MYO5B: variants seen among roughly 807,000 people sequenced by gnomAD.
MYO5B encodes the protein myosin VB, also known as unconventional myosin-Vb.
A neutral mutation model predicts 229.3 loss-of-function variants in MYO5B; 143 were observed. The ratio of observed to expected loss-of-function variants is 0.62; its 90% CI spans 0.54 to 0.72. The LOEUF (loss-of-function observed/expected upper bound fraction) is 0.72. MYO5B is among the 30% of genes least tolerant of loss of function. MYO5B has a pLI of 0.00. For missense variants in MYO5B, 2,321 were observed against 2,331.0 expected, an observed-to-expected ratio of 1.00 and a Z score of 0.09; for synonymous variants, 918 against 885.2, an observed-to-expected ratio of 1.04 and a Z score of -0.66.
At chr18:50,031,779 T>C (rs2026392451) in intron 4 of MYO5B, among the ~76,000 whole-genome samples, 1 of 152,224 alleles carries the variant, frequency 6.6e-6, no homozygotes, top group South Asian at 2.1e-4. Context: ...ACACTAAAAT[T>C]TCTCCATTGC....
chr18:49,974,741 TC>T, intron 9 of MYO5B, 126 bp from the exon 10 acceptor site: 1 of 1,014,774 alleles, frequency 9.9e-7, no homozygotes, highest in Non-Finnish European at 1.4e-6. Context: ...CCCTCCAGAA[TC>T]CCAGCACATG....
intron 1 of MYO5B, among the ~76,000 whole-genome samples, chr18:50,104,080 CTT>C (rs1362275970): frequency 6.9e-6 from 1 of 145,968 alleles, no homozygotes; most frequent in African/African-American, 2.5e-5. Context: ...AGGTGGATCT[CTT>C]GAGCCCAGGA....
intron 10 of MYO5B, among the ~76,000 whole-genome samples, chr18:49,974,125 C>T (rs1352338185): frequency 6.6e-6 from 1 of 152,196 alleles, no homozygotes; most frequent in Non-Finnish European, 1.5e-5. Context: ...TTTGACAGGT[C>T]CATTCTTGCT....
intron 1 of MYO5B, among the ~76,000 whole-genome samples, chr18:50,081,784 T>A (rs1599006717): frequency 6.7e-6 from 1 of 150,262 alleles, no homozygotes. Context: ...TAATCTTTGT[T>A]AAAAAAAAAA....
chr18:50,101,458 C>G (rs879765855), intron 1 of MYO5B, among the ~76,000 whole-genome samples: 1 of 151,992 alleles, frequency 6.6e-6, no homozygotes, highest in Non-Finnish European at 1.5e-5. Context: ...TATAAAAATG[C>G]CTCACCTACA....
intron 18 of MYO5B, among the ~76,000 whole-genome samples, chr18:49,909,238 G>A (rs567394987): frequency 2.6e-5 from 4 of 152,280 alleles, no homozygotes; most frequent in Non-Finnish European, 5.9e-5. Flanking sequence ...CCAAGAAGAG[G>A]AGAAAAATAA....
chr18:50,036,710 T>C, intron 4 of MYO5B, 140 bp downstream of exon 4: 1 of 947,732 alleles, frequency 1.1e-6, no homozygotes, highest in South Asian at 1.4e-5. Flanking sequence ...CAGTAGAACT[T>C]GGGCTGCTTT....
intron 17 of MYO5B, among the ~76,000 whole-genome samples, chr18:49,926,234 T>C (rs997683243): frequency 7.2e-5 from 11 of 152,204 alleles, no homozygotes; most frequent in African/African-American, 2.7e-4. Context: ...CCAGGTCAAA[T>C]GTAAATTCCT....
intron 30 of MYO5B, 58 bp from the exon 31 acceptor site, chr18:49,853,705 G>C (rs1370903133): frequency 6.6e-7 from 1 of 1,524,468 alleles, no homozygotes; most frequent in African/African-American, 1.4e-5. Flanking sequence ...CCATCTGAGG[G>C]GACACAGGCA....
chr18:50,130,454 A>G (rs1347281072), intron 1 of MYO5B, among the ~76,000 whole-genome samples: 2 of 152,098 alleles, frequency 1.3e-5, no homozygotes, highest in Non-Finnish European at 2.9e-5. Context: ...TAGCTTCTGG[A>G]GGTTACCCTG....
At chr18:50,156,755 T>C (rs999501380) in intron 1 of MYO5B, among the ~76,000 whole-genome samples, 1 of 152,210 alleles carries the variant, frequency 6.6e-6, no homozygotes, top group Non-Finnish European at 1.5e-5. Context: ...ATTTTAACAG[T>C]GTATCTTACA....
intron 4 of MYO5B, among the ~76,000 whole-genome samples, chr18:50,001,725 C>A (rs887753638): frequency 1.3e-5 from 2 of 152,134 alleles, no homozygotes; most frequent in African/African-American, 4.8e-5. Context: ...TTACACACAT[C>A]CTTTAAGAAT....
intron 9 of MYO5B, among the ~76,000 whole-genome samples, chr18:49,978,119 G>A (rs968047854): frequency 1.3e-5 from 2 of 152,128 alleles, no homozygotes; most frequent in Non-Finnish European, 2.9e-5. Context: ...AGAAAGGGCT[G>A]CCACACCAGG....
intron 5 of MYO5B, among the ~76,000 whole-genome samples, chr18:49,999,549 T>C (rs1474945678): frequency 6.6e-6 from 1 of 152,218 alleles, no homozygotes; most frequent in Non-Finnish European, 1.5e-5. Flanking sequence ...TTGAATGATA[T>C]GGGGACAAGG....
intron 17 of MYO5B, among the ~76,000 whole-genome samples, chr18:49,915,830 C>T (rs775096629): frequency 1.4e-4 from 21 of 152,216 alleles, no homozygotes; most frequent in Non-Finnish European, 2.4e-4. Flanking sequence ...TTTTAACACA[C>T]GCCAGCATGG....
chr18:49,980,780 C>T (rs189096498), intron 8 of MYO5B, among the ~76,000 whole-genome samples: 5 of 152,082 alleles, frequency 3.3e-5, no homozygotes, highest in East Asian at 1.9e-4. Context: ...TCACTATGAT[C>T]GTCCTGACCA....
chr18:49,842,429 A>G (rs1171731130), intron 34 of MYO5B, among the ~76,000 whole-genome samples: 1 of 152,172 alleles, frequency 6.6e-6, no homozygotes, highest in Non-Finnish European at 1.5e-5. Flanking sequence ...AGCTCAGTGG[A>G]CTCCAGAATT....
At chr18:49,861,723 C>T (rs1180835968) in intron 29 of MYO5B, among the ~76,000 whole-genome samples, 1 of 152,280 alleles carries the variant, frequency 6.6e-6, no homozygotes, top group African/African-American at 2.4e-5. Flanking sequence ...CACAGGCCAC[C>T]CGTGGGCCTA....
At chr18:50,113,004 T>G (rs2031894143) in intron 1 of MYO5B, among the ~76,000 whole-genome samples, 2 of 152,164 alleles carry the variant, frequency 1.3e-5, no homozygotes, top group South Asian at 4.2e-4. Flanking sequence ...GGACGTTGAG[T>G]GCCTGCTTAT....
Sources: gnomAD v4.1 joint callset for allele counts (sites outside exome capture counted in the v4.1 genomes callset) on GRCh38, gnomAD v4.1.1 for gene constraint, MANE v1.5 for transcripts, NCBI Gene and HGNC (gene_info 2026-07-23, HGNC 2026-07-21) for gene names.